The following MIB1 variants were observed in gnomAD, a reference collection of about 807,000 sequenced individuals.
MIB1 encodes MIB E3 ubiquitin protein ligase 1.
Under a neutral mutation model 124.5 loss-of-function variants are expected in MIB1, and 278 were observed. That is an observed-to-expected ratio of 2.23 (90% confidence interval 2.02 to 2.47). MIB1 has a LOEUF of 2.47. Ranked by LOEUF, MIB1 falls within the 30% of genes most tolerant of loss-of-function variation. MIB1 has a pLI of 0.00. For missense variants in MIB1, 957 were observed against 1,254.4 expected (o/e 0.76, Z 3.58); for synonymous variants, 446 against 429.4 (o/e 1.04, Z -0.48).
intron 10 of MIB1, among the ~76,000 whole-genome samples, chr18:21,815,306 C>G (rs2146474307): frequency 6.6e-6 from 1 of 151,582 alleles, no homozygotes; most frequent in South Asian, 2.1e-4. Context: ...GTAGCTGGGA[C>G]TACAGGTGGG....
In MIB1 at chr18:21,725,441, C is replaced by A. The variant is rs527558363; in HGVS notation, n.167+20318C>A. 4.6e-5 allele frequency among the ~76,000 whole-genome samples: 7 copies of A among 152,266 alleles called. No homozygotes were observed. In the South Asian group the frequency reaches 1.4e-3, roughly 32 times the overall value. ...AGATGAGGTTGTGGTCCCTAGTCCCCACTCCCCATCTGTACTGTTTAGACT... is the reference window on the plus strand; with the variant it reads ...AGATGAGGTTGTGGTCCCTAGTCCCAACTCCCCATCTGTACTGTTTAGACT... On this transcript the variant is annotated intron_variant and non_coding_transcript_variant, in intron 1 of 20. Transcript: ENST00000578646.
chr18:21,833,778 C>G (rs1291756230), intron 12 of MIB1, among the ~76,000 whole-genome samples: 2 of 152,202 alleles, frequency 1.3e-5, no homozygotes, highest in South Asian at 4.1e-4. Flanking sequence ...TGAATACTAT[C>G]ATGTGCCAGG....
intron 1 of MIB1, among the ~76,000 whole-genome samples, chr18:21,715,261 T>G (rs1347591345): frequency 1.3e-5 from 2 of 152,052 alleles, no homozygotes; most frequent in African/African-American, 2.4e-5. Flanking sequence ...AGAAGAGAGA[T>G]AACAGTCAGT....
chr18:21,741,654 G>A lies in MIB1; in HGVS notation c.71G>A (p.Trp24Ter), dbSNP rs1453783004. Residue 24 changes from tryptophan to a stop codon, truncating the protein, a stop_gained, in exon 1 of 21, where the codon TGG (tryptophan) becomes TAG (stop). Coordinates refer to ENST00000261537, the MANE Select transcript of MIB1 (RefSeq NM_020774.4). LOFTEE classifies it high-confidence loss of function. This position sits in a 1 kb window ranked among gnomAD's most constrained non-coding sequence, Gnocchi z 5.4. ...VGARVVRGPD[W>*]KWGKQDGGEG... ...GCTCGGGTAGTGCGCGGCCCGGACT[G>A]GAAGTGGGGGAAGCAGGACGGCGGC... The A allele has an allele frequency of 1.2e-6, 2 of 1,610,852 alleles. No individual in the cohort carries two copies. Among genetic ancestry groups the A allele is most frequent in the Non-Finnish European group, 1.7e-6 (2 of 1,179,122 alleles).
At chr18:21,800,125 T>C (rs2041634545) in intron 9 of MIB1, 151 bp downstream of exon 9, 10 of 552,894 alleles carry the variant, frequency 1.8e-5, no homozygotes, top group Middle Eastern at 5.1e-4. Context: ...ACATCAGACA[T>C]TCTTCAGTGT....
intron 10 of MIB1, among the ~76,000 whole-genome samples, chr18:21,805,495 T>G (rs1450819906): frequency 6.6e-6 from 1 of 152,202 alleles, no homozygotes; most frequent in African/African-American, 2.4e-5. Flanking sequence ...GTTTTGGTAA[T>G]TAAAGTTAAT....
At chr18:21,825,314 C>T (rs2041914845) in intron 12 of MIB1, among the ~76,000 whole-genome samples, 1 of 152,016 alleles carries the variant, frequency 6.6e-6, no homozygotes, top group African/African-American at 2.4e-5. Flanking sequence ...CCATGTAAAC[C>T]ACACTGTACA....
At chr18:21,820,548 AAATG>A (rs1486267915) in intron 12 of MIB1, among the ~76,000 whole-genome samples, 1 of 152,234 alleles carries the variant, frequency 6.6e-6, no homozygotes, top group Non-Finnish European at 1.5e-5. Flanking sequence ...TTGTAGGACA[AAATG>A]AATGATCATA....
intron 20 of MIB1, among the ~76,000 whole-genome samples, chr18:21,859,981 A>G (rs1188482575): frequency 8.6e-5 from 13 of 150,744 alleles, no homozygotes; most frequent in Non-Finnish European, 1.6e-4. Flanking sequence ...AATTCACAAT[A>G]GTAGTCATCA....
In MIB1 at chr18:21,857,200, G is replaced by A; in HGVS notation, c.2736G>A (p.Met912Ile). 2.5e-6 allele frequency: 4 copies of A among 1,614,088 alleles called. No homozygotes were observed. The highest frequency in any genetic ancestry group is 3.4e-6 in the Non-Finnish European group (4 of 1,179,934). Reference protein sequence around the residue: ...AVVERRVPFIMCCGGKSSEDA... With the variant: ...AVVERRVPFIICCGGKSSEDA... Reference sequence around the variant, plus strand: ...TTGAACGAAGAGTGCCTTTCATTATGTGCTGTGGAGGGAAAAGTTCAGAAG... The same window carrying A: ...TTGAACGAAGAGTGCCTTTCATTATATGCTGTGGAGGGAAAAGTTCAGAAG... The change falls in exon 19 of 21, where the codon ATG becomes ATA. Residue 912 changes from methionine (M) to isoleucine (I), a missense_variant. Met to Ile is a conservative substitution (Grantham distance 10). Coordinates refer to ENST00000261537, the MANE Select transcript of MIB1 (RefSeq NM_020774.4).
Position 21,853,182 on chromosome 18 carries a change from CT to C in MIB1, c.2634del (p.Gln879AsnfsTer15). The C allele has an allele frequency of 6.2e-7, 1 of 1,613,430 alleles. No homozygotes were observed. Among genetic ancestry groups the C allele is most frequent in the Non-Finnish European group, 8.5e-7 (1 of 1,179,606 alleles). ...ATGCTCTGACAAGAAAGCAGCTGTT[CT>C]TTTTCAACCCTGTGGCCACATGTGT... ...VVCSDKKAAV[L>X]FQPCGHMCAC... On this transcript the variant is annotated frameshift_variant, in exon 18 of 21. Transcript: ENST00000261537. LOFTEE classifies it high-confidence loss of function.
At chr18:21,758,906 T>G (rs2041065167) in intron 1 of MIB1, among the ~76,000 whole-genome samples, 1 of 152,210 alleles carries the variant, frequency 6.6e-6, no homozygotes, top group South Asian at 2.1e-4. Context: ...TTAGGCACCA[T>G]ACTAGTCTAG....
intron 1 of MIB1, among the ~76,000 whole-genome samples, chr18:21,705,449 G>A (rs956489813): frequency 1.3e-5 from 2 of 152,174 alleles, no homozygotes; most frequent in African/African-American, 4.8e-5. Context: ...AATTCACACC[G>A]ATTACCTAAT....
In MIB1 at chr18:21,774,921, T is replaced by TTTTATTTATTTATTTA. The variant is rs200926882; in HGVS notation, c.636+1217_636+1232dup. On this transcript the variant is annotated intron_variant, in intron 4 of 20. Coordinates refer to ENST00000261537, the MANE Select transcript of MIB1 (RefSeq NM_020774.4). The stretch of plus-strand genomic sequence containing the variant: ...CCAGTGTCCCCTTAATTTATTTCCA[T>TTTTATTTATTTATTTA]TTTATTTATTTATTTATTTATTTAT... Among the ~76,000 whole-genome samples the TTTTATTTATTTATTTA allele has an allele frequency of 3.1e-3, 433 of 138,300 alleles. 2 individuals carry two copies. Among genetic ancestry groups the TTTTATTTATTTATTTA allele is most frequent in the East Asian group, 7.8e-3 (37 of 4,716 alleles). 90.7% of individuals were successfully genotyped at this position (138,300 alleles called of 152,430 possible).
Position 21,819,614 on chromosome 18 carries a change from T to G in MIB1, c.1797T>G (p.Ala599=). ...TCACAAACAATAATGGATTTAATGCTCTGCATCATGCTGCACTAAGGGGAA... is the reference window on the plus strand; with the variant it reads ...TCACAAACAATAATGGATTTAATGCGCTGCATCATGCTGCACTAAGGGGAA... ...VTITNNNGFN[A]LHHAALRGNP... Residue 599 remains alanine, a synonymous_variant, in exon 12 of 21, where the codon GCT becomes GCG. Transcript: ENST00000261537. 6.2e-7 allele frequency: 1 copy of G among 1,608,144 alleles called. No homozygotes were observed. The highest frequency in any genetic ancestry group is 1.3e-5 in the African/African-American group (1 of 74,932).
chr18:21,724,138 G>A (rs375007872), intron 1 of MIB1: 2 of 152,706 alleles, frequency 1.3e-5, no homozygotes, highest in African/African-American at 4.8e-5. Context: ...GAGTACAGTG[G>A]TGTTTACAAC....
At chr18:21,777,273 G>A (rs772819514) in intron 4 of MIB1, among the ~76,000 whole-genome samples, 1 of 151,848 alleles carries the variant, frequency 6.6e-6, no homozygotes, top group Non-Finnish European at 1.5e-5. Flanking sequence ...GCAAAAATTA[G>A]CCAGGCGTGG....
At chr18:21,854,690 G>A (rs568494695) in intron 18 of MIB1, 1 of 195,002 alleles carries the variant, frequency 5.1e-6, no homozygotes, top group Non-Finnish European at 1.0e-5. Context: ...TTTTCACGAC[G>A]ACATTCTGCT....
At chr18:21,860,172 C>T (rs2042265150) in intron 20 of MIB1, among the ~76,000 whole-genome samples, 1 of 121,684 alleles carries the variant, frequency 8.2e-6, no homozygotes, top group African/African-American at 3.2e-5. Context: ...GCAATCTTGG[C>T]TCACTGAAAC....
Sources: gnomAD v4.1 joint callset for allele counts (sites outside exome capture counted in the v4.1 genomes callset) on GRCh38, gnomAD v4.1.1 for gene constraint, Gnocchi (gnomAD v3.1) non-coding constraint, MANE v1.5 for transcripts, NCBI Gene and HGNC (gene_info 2026-07-23, HGNC 2026-07-21) for gene names.